The following PTAR1 variants were observed in gnomAD, a reference collection of about 807,000 sequenced individuals.
PTAR1 encodes protein prenyltransferase alpha subunit repeat-containing protein 1.
Under a neutral mutation model 45.5 loss-of-function variants are expected in PTAR1, and 17 were observed. That is an observed-to-expected ratio of 0.37 (90% CI 0.26 to 0.56). The LOEUF is 0.56. PTAR1 is among the 20% of genes least tolerant of loss of function. The pLI is 0.77. For synonymous variants in PTAR1, 169 were observed against 171.3 expected (o/e 0.99, Z 0.11); for missense variants, 391 against 476.3 (o/e 0.82, Z 1.67).
chr9:69,719,275 G>C (rs1588441513), intron 6 of PTAR1, among the ~76,000 whole-genome samples: 1 of 152,234 alleles, frequency 6.6e-6, no homozygotes, highest in East Asian at 1.9e-4. Context: ...TGGGCTCTGA[G>C]CAAAACATGT....
rs1825122246 is a variant in PTAR1 at position 69,723,487 on chromosome 9, A to C, written c.786T>G (p.Pro262=). ...GAACTAGGGCTGGCTCACTTCTCAA[A>C]GGATTTTGCTCCATCACAGAACTGT... ...VIDSSVMEQN[P]LRSEPALVPP... Residue 262 remains proline, a synonymous_variant, in exon 6 of 8, where the codon CCT becomes CCG. Coordinates refer to ENST00000340434, the MANE Select transcript of PTAR1 (RefSeq NM_001099666.2). The C allele has an allele frequency of 6.2e-7, 1 of 1,613,902 alleles. No homozygotes were observed.
chr9:69,742,859 C>T (rs1288382962), intron 2 of PTAR1, among the ~76,000 whole-genome samples: 2 of 152,080 alleles, frequency 1.3e-5, no homozygotes, highest in Non-Finnish European at 2.9e-5. Flanking sequence ...CTATTCACAT[C>T]CATTAGCTAT....
At chr9:69,726,566 A>G (rs1028124054) in intron 5 of PTAR1, among the ~76,000 whole-genome samples, 2 of 152,068 alleles carry the variant, frequency 1.3e-5, no homozygotes, top group Non-Finnish European at 1.5e-5. Flanking sequence ...GAAAGACTGT[A>G]TAATTTATAC....
At chr9:69,732,078 T>C in intron 5 of PTAR1, 61 bp downstream of exon 5, 1 of 1,197,802 alleles carries the variant, frequency 8.3e-7, no homozygotes, top group Non-Finnish European at 1.2e-6. Flanking sequence ...GAGAATGAAC[T>C]ACTACCAGAA....
intron 6 of PTAR1, 45 bp from the exon 7 acceptor site, chr9:69,718,729 CA>C: frequency 7.0e-7 from 1 of 1,426,318 alleles, no homozygotes; most frequent in South Asian, 1.5e-5. Context: ...AATCACATTA[CA>C]AAGTCAAGCT....
intron 2 of PTAR1, among the ~76,000 whole-genome samples, chr9:69,746,371 A>G (rs75509219): frequency 0.013 from 1,980 of 152,354 alleles, 44 homozygotes; most frequent in African/African-American, 0.044. Context: ...AGTTCAGTTT[A>G]AATCCAGGTC....
In PTAR1 at chr9:69,717,706, A is replaced by G. The variant is rs1294801125; in HGVS notation, c.*636T>C. 1 of 151,946 alleles carries G rather than the reference A, an allele frequency of 6.6e-6. No homozygotes were observed. Among genetic ancestry groups the G allele is most frequent in the African/African-American group, 2.4e-5 (1 of 41,294 alleles). The allele number at this position is 151,946 out of a possible 1,614,324, so 9.4% of individuals were successfully genotyped here. Reference sequence around the variant, plus strand: ...CATTCTTCAGTTGAACTGCAACATAAATGTTTATTTTCAATTTGTTTTAGA... The same window carrying G: ...CATTCTTCAGTTGAACTGCAACATAGATGTTTATTTTCAATTTGTTTTAGA... On this transcript the variant is annotated 3_prime_UTR_variant, in exon 8 of 8. Coordinates refer to ENST00000340434, the MANE Select transcript of PTAR1 (RefSeq NM_001099666.2).
At chr9:69,734,088 T>C (rs971665704) in intron 4 of PTAR1, 62 bp downstream of exon 4, 2 of 946,186 alleles carry the variant, frequency 2.1e-6, no homozygotes, top group Admixed American at 1.9e-5. Flanking sequence ...TCACATGTCA[T>C]GTTTCTTTCT....
intron 2 of PTAR1, among the ~76,000 whole-genome samples, chr9:69,747,569 A>G (rs757544316): frequency 5.3e-5 from 8 of 152,206 alleles, no homozygotes; most frequent in Non-Finnish European, 1.0e-4. Flanking sequence ...AAATTTGACA[A>G]GAAGTATCAA....
chr9:69,719,365 T>C (rs1824880541), intron 6 of PTAR1, among the ~76,000 whole-genome samples: 1 of 152,160 alleles, frequency 6.6e-6, no homozygotes, highest in Non-Finnish European at 1.5e-5. Context: ...TTGTTAAAAA[T>C]GAAGATTCCC....
In PTAR1 at chr9:69,759,919, T is replaced by C; in HGVS notation, c.20A>G (p.Glu7Gly). 1 of 1,517,776 alleles carries C rather than the reference T, an allele frequency of 6.6e-7. No homozygotes were observed. Among genetic ancestry groups the C allele is most frequent in the Non-Finnish European group, 8.8e-7 (1 of 1,133,018 alleles). The allele number at this position is 1,517,776 out of a possible 1,614,324, so 94.0% of individuals were successfully genotyped here. A position where few individuals can be genotyped will look rare whatever the true frequency, so the allele number is the denominator to read the frequency against. The change falls in exon 1 of 8, where the codon GAG (glutamate) becomes GGG (glycine). Residue 7 changes from glutamate to glycine, a missense_variant. Physicochemically the swap from Glu to Gly is moderately conservative, Grantham distance 98 (BLOSUM62 -2). Coordinates refer to ENST00000340434, the MANE Select transcript of PTAR1 (RefSeq NM_001099666.2). MAETSE[E>G]VAVLVQRVVK... ...AACCCGCTGCACCAGCACCGCCACC[T>C]CCTCGCTGGTCTCGGCCATGTTGGC...
At chr9:69,750,449 G>C (rs1037131003) in intron 2 of PTAR1, among the ~76,000 whole-genome samples, 2 of 151,916 alleles carry the variant, frequency 1.3e-5, no homozygotes, top group African/African-American at 4.8e-5. Flanking sequence ...AGGGACTAGA[G>C]TCTTCTTCAG....
intron 3 of PTAR1, among the ~76,000 whole-genome samples, chr9:69,740,431 T>C (rs1164691411): frequency 2.0e-5 from 3 of 152,110 alleles, no homozygotes; most frequent in Non-Finnish European, 4.4e-5. Context: ...TGTGTGTATG[T>C]ACCTATCTAT....
chr9:69,745,074 T>G (rs10122874), intron 2 of PTAR1, among the ~76,000 whole-genome samples: 22,091 of 152,224 alleles, frequency 0.15, 1,719 homozygotes, highest in East Asian at 0.27. Context: ...TTGTGAGCAA[T>G]GAAATTCATT....
chr9:69,753,656 A>G (rs1826633721), intron 1 of PTAR1, among the ~76,000 whole-genome samples: 1 of 152,206 alleles, frequency 6.6e-6, no homozygotes, highest in African/African-American at 2.4e-5. Context: ...TTTATGACTG[A>G]GAAACCTAGC....
intron 2 of PTAR1, among the ~76,000 whole-genome samples, chr9:69,749,990 C>T (rs974394784): frequency 2.6e-5 from 4 of 151,872 alleles, no homozygotes; most frequent in African/African-American, 9.7e-5. Context: ...AAGGTACTGC[C>T]GTACATGGGA....
intron 2 of PTAR1, among the ~76,000 whole-genome samples, chr9:69,742,845 C>G (rs10746707): frequency 0.88 from 134,579 of 152,112 alleles, 60,253 homozygotes; most frequent in Middle Eastern, 0.96. Flanking sequence ...ATCTTATGAA[C>G]CAGCTATTCA....
At chr9:69,719,339 A>AGG (rs1180360001) in intron 6 of PTAR1, among the ~76,000 whole-genome samples, 3 of 152,114 alleles carry the variant, frequency 2.0e-5, no homozygotes, top group Non-Finnish European at 4.4e-5. Flanking sequence ...CTGCCCTTAC[A>AGG]ACCACCTACA....
At position 69,713,575 on chromosome 9, in the gene PTAR1, A is replaced by G. The variant is rs1304498384; in HGVS notation, c.*4767T>C. On this transcript the variant is annotated 3_prime_UTR_variant, in exon 8 of 8. Coordinates refer to ENST00000340434, the MANE Select transcript of PTAR1 (RefSeq NM_001099666.2). ...AAGTACTGTTTTCCCCCTTTCAACT[A>G]TATTACATTATGCCTGAATTTGAGA... 2 of 152,090 alleles carry G rather than the reference A, an allele frequency of 1.3e-5. No individual in the cohort carries two copies. The highest frequency in any genetic ancestry group is 1.9e-4 in the East Asian group (1 of 5,196). The allele number at this position is 152,090 out of a possible 1,614,324, so 9.4% of individuals were successfully genotyped here.
Sources: gnomAD v4.1 joint callset for allele counts (sites outside exome capture counted in the v4.1 genomes callset) on GRCh38, gnomAD v4.1.1 for gene constraint, MANE v1.5 for transcripts, NCBI Gene and HGNC (gene_info 2026-07-23, HGNC 2026-07-21) for gene names.